ST6GALNAC3: variants seen among roughly 807,000 people sequenced by gnomAD.
The protein encoded by ST6GALNAC3 is ST6 N-acetylgalactosaminide alpha-2,6-sialyltransferase 3.
ST6GALNAC3 carries 25 observed loss-of-function variants against 32.7 expected under a neutral mutation model. That is an observed-to-expected ratio of 0.76 (90% CI 0.56 to 1.07). ST6GALNAC3 has a LOEUF of 1.07. Among genes scored for constraint, ST6GALNAC3 ranks in the 50% least tolerant of loss-of-function variants. The probability of loss-of-function intolerance (pLI) is 0.00; values close to 1 mark genes in which losing one functional copy is unlikely to be tolerated. For missense variants in ST6GALNAC3, 355 were observed against 382.4 expected (o/e 0.93, Z 0.60); for synonymous variants, 129 against 133.1 (o/e 0.97, Z 0.21).
intron 1 of ST6GALNAC3, among the ~76,000 whole-genome samples, chr1:76,169,710 C>T (rs1276643803): frequency 6.6e-6 from 1 of 152,186 alleles, no homozygotes; most frequent in Non-Finnish European, 1.5e-5. Context: ...AGCCAGTCGT[C>T]AAGCTCTGAG....
intron 3 of ST6GALNAC3, among the ~76,000 whole-genome samples, chr1:76,508,322 C>T (rs971075516): frequency 6.6e-6 from 1 of 152,170 alleles, no homozygotes; most frequent in Non-Finnish European, 1.5e-5. Context: ...CTCGCTTGCC[C>T]ACCGCTCACC....
chr1:76,439,515 A>G (rs1351404711), intron 3 of ST6GALNAC3, among the ~76,000 whole-genome samples: 2 of 152,256 alleles, frequency 1.3e-5, no homozygotes, highest in Non-Finnish European at 2.9e-5. Context: ...TAACAAAAGT[A>G]TACCAGCTCA....
chr1:76,112,862 C>T (rs1648153595), intron 1 of ST6GALNAC3, among the ~76,000 whole-genome samples: 1 of 151,572 alleles, frequency 6.6e-6, no homozygotes, highest in South Asian at 2.1e-4. Context: ...GACTGGGCAG[C>T]CAGGCAGAGA....
chr1:76,081,962 CAA>C (rs1646901737), intron 1 of ST6GALNAC3, among the ~76,000 whole-genome samples: 1 of 151,930 alleles, frequency 6.6e-6, no homozygotes, highest in African/African-American at 2.4e-5. Flanking sequence ...GTGGAAATGG[CAA>C]AAAACGTTAT....
intron 1 of ST6GALNAC3, among the ~76,000 whole-genome samples, chr1:76,126,218 T>G (rs866584203): frequency 9.8e-5 from 15 of 152,290 alleles, no homozygotes; most frequent in East Asian, 1.9e-4. Context: ...ATTTTTTCTC[T>G]CCCTGCCCGT....
chr1:76,624,719 G>A (rs2100715228), intron 3 of ST6GALNAC3, among the ~76,000 whole-genome samples: 1 of 151,876 alleles, frequency 6.6e-6, no homozygotes, highest in South Asian at 2.1e-4. Context: ...GTCAGCCATT[G>A]CAACACCTTC....
At chr1:76,409,631 C>A (rs777461938) in intron 2 of ST6GALNAC3, among the ~76,000 whole-genome samples, 7 of 151,996 alleles carry the variant, frequency 4.6e-5, no homozygotes, top group Non-Finnish European at 1.0e-4. Flanking sequence ...AGGCATAAAA[C>A]TATCTCTAAG....
chr1:76,561,962 G>A (rs11804738), intron 3 of ST6GALNAC3, among the ~76,000 whole-genome samples: 2,619 of 152,154 alleles, frequency 0.017, 48 homozygotes, highest in East Asian at 0.049. Context: ...TATGAATCTT[G>A]GAAACATTCT....
intron 1 of ST6GALNAC3, among the ~76,000 whole-genome samples, chr1:76,263,918 GAAC>G (rs1242492946): frequency 6.6e-6 from 1 of 152,076 alleles, no homozygotes; most frequent in Non-Finnish European, 1.5e-5. Flanking sequence ...GTTTGAACTA[GAAC>G]AACAACTAAA....
intron 3 of ST6GALNAC3, 142 bp downstream of exon 3, chr1:76,412,559 A>G (rs867462360): frequency 1.1e-6 from 1 of 944,822 alleles, no homozygotes; most frequent in Middle Eastern, 2.6e-4. Flanking sequence ...ATTACTTGAT[A>G]AGCCAGCCTG....
At chr1:76,113,302 T>G (rs1235055569) in intron 1 of ST6GALNAC3, among the ~76,000 whole-genome samples, 1 of 132,746 alleles carries the variant, frequency 7.5e-6, no homozygotes, top group Non-Finnish European at 1.6e-5. Context: ...CAGTCCAGCT[T>G]CCGCTCGGCA....
intron 3 of ST6GALNAC3, among the ~76,000 whole-genome samples, chr1:76,473,292 TAACCAAAG>T (rs1327108061): frequency 6.6e-6 from 1 of 152,102 alleles, no homozygotes; most frequent in Non-Finnish European, 1.5e-5. Flanking sequence ...ATGTATAGTC[TAACCAAAG>T]GATTGAGAAG....
chr1:76,330,654 A>G (rs1454287976), intron 2 of ST6GALNAC3, among the ~76,000 whole-genome samples: 2 of 152,238 alleles, frequency 1.3e-5, no homozygotes, highest in African/African-American at 4.8e-5. Flanking sequence ...ATATCCACTT[A>G]GTCTTCAAAG....
At chr1:76,447,144 G>T (rs1329564389) in intron 3 of ST6GALNAC3, among the ~76,000 whole-genome samples, 1 of 152,164 alleles carries the variant, frequency 6.6e-6, no homozygotes, top group Admixed American at 6.5e-5. Flanking sequence ...TTAAATCCAG[G>T]CTGAAGTGGT....
intron 2 of ST6GALNAC3, among the ~76,000 whole-genome samples, chr1:76,351,121 A>G (rs1300449151): frequency 6.6e-6 from 1 of 152,172 alleles, no homozygotes; most frequent in South Asian, 2.1e-4. Flanking sequence ...GTCTCCATTC[A>G]TACAAAGATT....
chr1:76,469,758 C>G (rs1170501733), intron 3 of ST6GALNAC3, among the ~76,000 whole-genome samples: 2 of 152,042 alleles, frequency 1.3e-5, no homozygotes, highest in East Asian at 3.9e-4. Context: ...GTGGTTGTGA[C>G]CAGTTTGTAG....
At chr1:76,556,291 A>G (rs1664919197) in intron 3 of ST6GALNAC3, among the ~76,000 whole-genome samples, 1 of 152,080 alleles carries the variant, frequency 6.6e-6, no homozygotes, top group Non-Finnish European at 1.5e-5. Flanking sequence ...GTTCATGGAC[A>G]TTTGGGTTGT....
At chr1:76,128,949 A>G (rs955414817) in intron 1 of ST6GALNAC3, among the ~76,000 whole-genome samples, 1 of 152,236 alleles carries the variant, frequency 6.6e-6, no homozygotes, top group Non-Finnish European at 1.5e-5. Context: ...TGGCAATAGC[A>G]TGGACTCTGC....
chr1:76,279,138 C>T (rs1328716507), intron 1 of ST6GALNAC3, among the ~76,000 whole-genome samples: 1 of 152,174 alleles, frequency 6.6e-6, no homozygotes, highest in East Asian at 1.9e-4. Flanking sequence ...GCAGACAGCA[C>T]CAACATGCTT....
Sources: allele counts gnomAD v4.1 joint callset (sites outside exome capture counted in the v4.1 genomes callset), GRCh38; gene constraint gnomAD v4.1.1; transcripts MANE v1.5; gene names NCBI Gene and HGNC (gene_info 2026-07-23, HGNC 2026-07-21).